The following CAMTA1 variants were observed in gnomAD, a reference collection of about 807,000 sequenced individuals.
The protein encoded by CAMTA1 is calmodulin binding transcription activator 1, also known as calmodulin-binding transcription activator 1.
CAMTA1 carries 27 observed loss-of-function variants against 170.9 expected under a neutral mutation model. The observed-to-expected ratio is 0.16, with a 90% CI of 0.12 to 0.22. The LOEUF is 0.22. Ranked by LOEUF, CAMTA1 falls within the 10% of genes least tolerant of loss-of-function variation. The probability of loss-of-function intolerance (pLI) is 1.00; values close to 1 mark genes in which losing one functional copy is unlikely to be tolerated. For synonymous variants in CAMTA1, 833 were observed against 891.5 expected, an observed-to-expected ratio of 0.93 and a Z score of 1.17; for missense variants, 1,619 against 2,217.2, an observed-to-expected ratio of 0.73 and a Z score of 5.42.
chr1:7,505,900 C>T (rs1460673239), intron 6 of CAMTA1, among the ~76,000 whole-genome samples: 1 of 152,264 alleles, frequency 6.6e-6, no homozygotes, highest in East Asian at 1.9e-4. Flanking sequence ...TTCACCTGCA[C>T]GACCTCACCT....
intron 3 of CAMTA1, among the ~76,000 whole-genome samples, chr1:6,994,920 G>A (rs573293640): frequency 2.0e-5 from 3 of 152,218 alleles, no homozygotes; most frequent in African/African-American, 7.2e-5. Context: ...CTCCCGCCTT[G>A]GCCTCTCAAA....
rs116643877 is a variant in CAMTA1 at position 7,443,039 on chromosome 1, C to T, written c.439-24791C>T. ...ACACTTCTTCCTGCCTGTGGTCTCT[C>T]CTTGCCCCTGCGCAGATCCTCCTCC... On this transcript the variant is annotated intron_variant, in intron 5 of 22. Transcript: ENST00000303635. The surrounding 1 kb of genome is among the most constrained non-coding windows in gnomAD (Gnocchi z 4.1). Among the ~76,000 whole-genome samples, 1,299 of 152,282 alleles carry T rather than the reference C, an allele frequency of 8.5e-3. 15 individuals are homozygous for T. The highest frequency in any genetic ancestry group is 0.03 in the African/African-American group (1,232 of 41,538).
chr1:6,849,698 T>A lies in CAMTA1; in HGVS notation c.234+24488T>A, dbSNP rs1659635537. ...TTTTGAGGAGGAAATGGAGGGCTGTTTATTTAAATGGACATTTGGGACAAT... is the reference window on the plus strand; with the variant it reads ...TTTTGAGGAGGAAATGGAGGGCTGTATATTTAAATGGACATTTGGGACAAT... On this transcript the variant is annotated intron_variant, in intron 3 of 22. Coordinates refer to ENST00000303635, the MANE Select transcript of CAMTA1 (RefSeq NM_015215.4). 5.3e-5 allele frequency among the ~76,000 whole-genome samples: 8 copies of A among 152,014 alleles called. No homozygotes were observed. The South Asian group carries it at 1.7e-3, about 32-fold the overall frequency.
intron 4 of CAMTA1, among the ~76,000 whole-genome samples, chr1:7,240,755 C>T (rs1215887440): frequency 2.6e-5 from 4 of 152,146 alleles, no homozygotes; most frequent in African/African-American, 9.7e-5. Context: ...ATCTGCCCTC[C>T]TCAGCCTCCC....
intron 5 of CAMTA1, among the ~76,000 whole-genome samples, chr1:7,266,642 G>T (rs556157489): frequency 1.6e-4 from 25 of 152,308 alleles, no homozygotes; most frequent in African/African-American, 4.3e-4. Flanking sequence ...CCTGAGAGAA[G>T]GACTAGAGGA....
At chr1:7,643,648 CA>C (rs1303091404) in intron 7 of CAMTA1, among the ~76,000 whole-genome samples, 3 of 152,238 alleles carry the variant, frequency 2.0e-5, no homozygotes. Flanking sequence ...AATGCCTGCT[CA>C]AAAATCTGCA....
intron 4 of CAMTA1, among the ~76,000 whole-genome samples, chr1:7,198,277 G>A (rs1438906334): frequency 6.6e-6 from 1 of 151,966 alleles, no homozygotes; most frequent in Non-Finnish European, 1.5e-5. Context: ...CCCTGCATTT[G>A]GAGGCCTGGA....
At chr1:7,744,735 C>A in intron 16 of CAMTA1, 100 bp from the exon 17 acceptor site, 1 of 969,182 alleles carries the variant, frequency 1.0e-6, no homozygotes, top group South Asian at 1.6e-5. Flanking sequence ...GCCCTCCTGC[C>A]TGATTATTTT....
intron 5 of CAMTA1, among the ~76,000 whole-genome samples, chr1:7,438,774 G>T (rs546763820): frequency 6.6e-6 from 1 of 152,224 alleles, no homozygotes; most frequent in African/African-American, 2.4e-5. Context: ...AGCAGAAAGA[G>T]CATGGCCTGT....
At chr1:7,632,056 C>T (rs2095673428) in intron 6 of CAMTA1, among the ~76,000 whole-genome samples, 1 of 152,204 alleles carries the variant, frequency 6.6e-6, no homozygotes, top group Admixed American at 6.5e-5. Flanking sequence ...CTATCCCGTC[C>T]CTAATAAACC....
At chr1:7,323,099 A>C (rs1678702959) in intron 5 of CAMTA1, among the ~76,000 whole-genome samples, 1 of 142,824 alleles carries the variant, frequency 7.0e-6, no homozygotes, top group African/African-American at 2.8e-5. Context: ...CTATTTCTTA[A>C]GTTATTGTTT....
rs1557492099 is a variant in CAMTA1 at position 7,310,724 on chromosome 1, TTCTTTCTTTCTTTCTTTC to T, written c.438+61100_438+61117del. Reference sequence around the variant, plus strand: ...TCTCTTTCTTTCTTTCTTTCTTTCTTTCTTTCTTTCTTTCTTTCTTTTTTTTAAGACAGTCTTGCTCTG... The same window carrying T: ...TCTCTTTCTTTCTTTCTTTCTTTCTTTTTTTTTTAAGACAGTCTTGCTCTG... On this transcript the variant is annotated intron_variant, in intron 5 of 22. Transcript: ENST00000303635. 6.3e-4 allele frequency among the ~76,000 whole-genome samples: 65 copies of T among 103,878 alleles called. 2 individuals are homozygous for T. Among genetic ancestry groups the T allele is most frequent in the Middle Eastern group, 4.8e-3 (1 of 208 alleles). 68.1% of individuals were successfully genotyped at this position (103,878 alleles called of 152,430 possible). A position where few individuals can be genotyped will look rare whatever the true frequency, so the allele number is the denominator to read the frequency against.
chr1:7,117,214 G>A (rs60433487), intron 4 of CAMTA1, among the ~76,000 whole-genome samples: 2,868 of 150,348 alleles, frequency 0.019, 84 homozygotes, highest in African/African-American at 0.067. Flanking sequence ...CAGGTGATCC[G>A]CCCGCCTCAG....
At chr1:6,966,757 C>T (rs1345288765) in intron 3 of CAMTA1, among the ~76,000 whole-genome samples, 1 of 151,610 alleles carries the variant, frequency 6.6e-6, no homozygotes, top group Non-Finnish European at 1.5e-5. Flanking sequence ...ATTATAGGCA[C>T]ATGCTGGCAT....
chr1:7,655,229 CA>C (rs1368558648), intron 7 of CAMTA1, among the ~76,000 whole-genome samples: 6 of 149,412 alleles, frequency 4.0e-5, no homozygotes, highest in Non-Finnish European at 8.9e-5. Flanking sequence ...TCTATACACA[CA>C]CACACCTATA....
intron 11 of CAMTA1, among the ~76,000 whole-genome samples, chr1:7,677,972 G>A (rs2096139908): frequency 1.3e-5 from 2 of 152,246 alleles, no homozygotes; most frequent in Admixed American, 6.5e-5. Flanking sequence ...GGGACAGACT[G>A]AAAAGTATGT....
intron 11 of CAMTA1, among the ~76,000 whole-genome samples, chr1:7,709,095 C>T (rs561021059): frequency 1.3e-5 from 2 of 152,232 alleles, no homozygotes; most frequent in South Asian, 2.1e-4. Context: ...GTGTGCCTAC[C>T]GTCACCCATA....
At chr1:7,478,276 C>CTG (rs34303602) in intron 6 of CAMTA1, among the ~76,000 whole-genome samples, 102,814 of 152,048 alleles carry the variant, frequency 0.68, 35,974 homozygotes, top group African/African-American at 0.86. Context: ...TGAGATGCAA[C>CTG]TGTGATTAGG....
In CAMTA1 at chr1:7,115,481, T is replaced by A. The variant is rs569957835; in HGVS notation, c.302+24110T>A. 8.0e-3 allele frequency among the ~76,000 whole-genome samples: 717 copies of A among 90,108 alleles called. 17 individuals are homozygous for A. The highest frequency in any genetic ancestry group is 0.036 in the African/African-American group (656 of 18,376). The allele number at this position is 90,108 out of a possible 152,430, so 59.1% of individuals were successfully genotyped here. On this transcript the variant is annotated intron_variant, in intron 4 of 22. Coordinates refer to ENST00000303635, the MANE Select transcript of CAMTA1 (RefSeq NM_015215.4). ...GAGAGCTGATGGTGGTGTTCCAGTG[T>A]GAGTCCGAAAACCTGAGACCCAGGA...
Sources: gnomAD v4.1 joint callset for allele counts (sites outside exome capture counted in the v4.1 genomes callset) on GRCh38, gnomAD v4.1.1 for gene constraint, Gnocchi (gnomAD v3.1) non-coding constraint, MANE v1.5 for transcripts, NCBI Gene and HGNC (gene_info 2026-07-23, HGNC 2026-07-21) for gene names.